PMEPA1: variants seen among roughly 807,000 people sequenced by gnomAD.
The protein encoded by PMEPA1 is prostate transmembrane protein, androgen induced 1.
In PMEPA1, 11 loss-of-function variants were observed where a neutral mutation model predicts 23.0. That is an observed-to-expected ratio of 0.48 (90% CI 0.30 to 0.79). PMEPA1 has a LOEUF of 0.79. Ranked by LOEUF, PMEPA1 falls within the 30% of genes least tolerant of loss-of-function variation. The probability of loss-of-function intolerance (pLI) is 0.06; values close to 1 mark genes in which losing one functional copy is unlikely to be tolerated. For synonymous variants in PMEPA1, 204 were observed against 166.4 expected (o/e 1.23, Z -1.74); for missense variants, 377 against 390.9 (o/e 0.96, Z 0.30).
At position 57,651,627 on chromosome 20, in the gene PMEPA1, G is replaced by A. The variant is rs1419920345; in HGVS notation, c.*426C>T. ...AAATACTCCTGCCCTCGCACATACA[G>A]TTTCTCTTATCTTATATATATTTAT... On this transcript the variant is annotated 3_prime_UTR_variant, in exon 4 of 4. Coordinates refer to ENST00000341744, the MANE Select transcript of PMEPA1 (RefSeq NM_020182.5). 6.6e-6 allele frequency: 1 copy of A among 150,580 alleles called. No homozygotes were observed. Among genetic ancestry groups the A allele is most frequent in the Non-Finnish European group, 1.5e-5 (1 of 67,730 alleles). The allele number at this position is 150,580 out of a possible 1,614,324, so 9.3% of individuals were successfully genotyped here. A position where few individuals can be genotyped will look rare whatever the true frequency, so the allele number is the denominator to read the frequency against.
Position 57,653,066 on chromosome 20 carries a change from C to G in PMEPA1, c.285G>C (p.Ser95=). ...TTCCGTTGCCTGACACTGTGCTCTCCGAGGGCCACAGGCATCCTTCCTGCA... is the reference window on the plus strand; with the variant it reads ...TTCCGTTGCCTGACACTGTGCTCTCGGAGGGCCACAGGCATCCTTCCTGCA... ...ALSSEGCLWP[S]ESTVSGNGIP... The change falls in exon 3 of 4, where the codon TCG becomes TCC. Residue 95 remains serine, a synonymous_variant. Coordinates refer to ENST00000341744, the MANE Select transcript of PMEPA1 (RefSeq NM_020182.5). 1.9e-6 allele frequency: 3 copies of G among 1,591,764 alleles called. No individual in the cohort carries two copies. Among genetic ancestry groups the G allele is most frequent in the Non-Finnish European group, 2.6e-6 (3 of 1,168,920 alleles).
At chr20:57,685,288 T>A (rs1424356093) in intron 1 of PMEPA1, among the ~76,000 whole-genome samples, 1 of 152,178 alleles carries the variant, frequency 6.6e-6, no homozygotes, top group Non-Finnish European at 1.5e-5. Flanking sequence ...AAAGCCAGTG[T>A]GGGCTAGGAG....
At chr20:57,674,569 A>C (rs2071611396) in intron 1 of PMEPA1, among the ~76,000 whole-genome samples, 1 of 152,250 alleles carries the variant, frequency 6.6e-6, no homozygotes, top group Non-Finnish European at 1.5e-5. Flanking sequence ...TGGATGATGG[A>C]CTTGCAGAAT....
Position 57,681,770 on chromosome 20 carries a change from C to A in PMEPA1, c.110-22073G>T, listed in dbSNP as rs76316629. On this transcript the variant is annotated intron_variant, in intron 1 of 3. Transcript: ENST00000341744. ...AGAAGGAACTGCAACCTGGTCAGTC[C>A]CCCCTCAAGGTGACACGGCCAGCTG... Among the ~76,000 whole-genome samples, 824 of 152,218 alleles carry A rather than the reference C, an allele frequency of 5.4e-3. 9 individuals are homozygous for A. Among genetic ancestry groups the A allele is most frequent in the African/African-American group, 0.019 (782 of 41,528 alleles).
intron 1 of PMEPA1, among the ~76,000 whole-genome samples, chr20:57,660,567 CAT>C (rs1228472117): frequency 7.1e-6 from 1 of 141,438 alleles, no homozygotes; most frequent in African/African-American, 2.8e-5. Context: ...AACACCAACA[CAT>C]GACCCAACAC....
chr20:57,662,140 ATGTG>A (rs2071430665), intron 1 of PMEPA1, among the ~76,000 whole-genome samples: 8 of 151,804 alleles, frequency 5.3e-5, no homozygotes, highest in African/African-American at 9.7e-5. Flanking sequence ...CCCAGGGAAC[ATGTG>A]GCGATGTCTG....
intron 1 of PMEPA1, among the ~76,000 whole-genome samples, chr20:57,673,446 G>A (rs947422478): frequency 3.3e-5 from 5 of 152,106 alleles, no homozygotes; most frequent in Non-Finnish European, 1.5e-5. Context: ...TGCTGCCATC[G>A]TTGGTGTGGC....
intron 1 of PMEPA1, chr20:57,700,087 C>A (rs1004071934): frequency 2.1e-6 from 1 of 471,278 alleles, no homozygotes; most frequent in Non-Finnish European, 4.4e-6. Flanking sequence ...GCTCCCAAAG[C>A]CAGTGATGGA....
At position 57,652,010 on chromosome 20, in the gene PMEPA1, G is replaced by C; in HGVS notation, c.*43C>G. The C allele has an allele frequency of 7.0e-7, 1 of 1,433,732 alleles. No individual in the cohort carries two copies. Among genetic ancestry groups the C allele is most frequent in the Non-Finnish European group, 9.2e-7 (1 of 1,083,230 alleles). The allele number at this position is 1,433,732 out of a possible 1,614,324, so 88.8% of individuals were successfully genotyped here. ...TCTTCTAAGAAGCGCGGAGTGTTCT[G>C]CCTTTTCACCTACGCAGCCCCAGCC... On this transcript the variant is annotated 3_prime_UTR_variant, in exon 4 of 4. Transcript: ENST00000341744. This position sits in a 1 kb window ranked among gnomAD's most constrained non-coding sequence, Gnocchi z 6.1.
At chr20:57,672,651 G>A (rs765969912) in intron 1 of PMEPA1, among the ~76,000 whole-genome samples, 4 of 152,228 alleles carry the variant, frequency 2.6e-5, no homozygotes, top group Non-Finnish European at 5.9e-5. Context: ...GTCTCCCCTG[G>A]GGCAGAGGCA....
rs912440874 is a variant in PMEPA1 at position 57,649,357 on chromosome 20, G to C, written c.*2696C>G. 1.3e-5 allele frequency: 2 copies of C among 152,102 alleles called. No individual in the cohort carries two copies. Among genetic ancestry groups the C allele is most frequent in the African/African-American group, 4.8e-5 (2 of 41,380 alleles). 9.4% of individuals were successfully genotyped at this position (152,102 alleles called of 1,614,324 possible). A position where few individuals can be genotyped will look rare whatever the true frequency, so the allele number is the denominator to read the frequency against. ...CAACCTGCTGGCTGTCTTGGGATGC[G>C]CCCAGCCTTTGAGAGGCCACTACCC... On this transcript the variant is annotated 3_prime_UTR_variant, in exon 4 of 4. Coordinates refer to ENST00000341744, the MANE Select transcript of PMEPA1 (RefSeq NM_020182.5).
At chr20:57,692,865 G>A (rs2146699808) in intron 1 of PMEPA1, among the ~76,000 whole-genome samples, 1 of 152,354 alleles carries the variant, frequency 6.6e-6, no homozygotes, top group Middle Eastern at 3.4e-3. Flanking sequence ...CTGCCTAAGT[G>A]CTGCTGGTAA....
chr20:57,667,389 G>T (rs1350980126), intron 1 of PMEPA1, among the ~76,000 whole-genome samples: 1 of 152,132 alleles, frequency 6.6e-6, no homozygotes, highest in African/African-American at 2.4e-5. Context: ...AGCCCACGGG[G>T]GCACTAGGCG....
At position 57,649,581 on chromosome 20, in the gene PMEPA1, A is replaced by C. The variant is rs572326262; in HGVS notation, c.*2472T>G. 1.6e-4 allele frequency: 24 copies of C among 152,302 alleles called. No individual in the cohort carries two copies. The highest frequency in any genetic ancestry group is 5.3e-4 in the African/African-American group (22 of 41,532). The allele number at this position is 152,302 out of a possible 1,614,324, so 9.4% of individuals were successfully genotyped here. A position where few individuals can be genotyped will look rare whatever the true frequency, so the allele number is the denominator to read the frequency against. On this transcript the variant is annotated 3_prime_UTR_variant, in exon 4 of 4. Transcript: ENST00000341744. ...GACCCAAACAGTTTGGCTCAAGAGG[A>C]TATGAGGACTGTCTCAGCCTGGCTT...
intron 1 of PMEPA1, among the ~76,000 whole-genome samples, chr20:57,674,375 C>T (rs6128123): frequency 0.11 from 16,382 of 152,208 alleles, 971 homozygotes; most frequent in South Asian, 0.13. Context: ...ACTTGCTGGC[C>T]CCTTGATCTT....
chr20:57,650,203 T>C lies in PMEPA1; in HGVS notation c.*1850A>G, dbSNP rs888081195. 6.6e-6 allele frequency: 1 copy of C among 152,192 alleles called. No homozygotes were observed. Among genetic ancestry groups the C allele is most frequent in the East Asian group, 1.9e-4 (1 of 5,188 alleles). 9.4% of individuals were successfully genotyped at this position (152,192 alleles called of 1,614,324 possible). A position where few individuals can be genotyped will look rare whatever the true frequency, so the allele number is the denominator to read the frequency against. ...CTTCAAAACTGTGCTCAGGTTTTTG[T>C]TTTGGAAGTTATAAAAAAGTTGCTC... On this transcript the variant is annotated 3_prime_UTR_variant, in exon 4 of 4. Coordinates refer to ENST00000341744, the MANE Select transcript of PMEPA1 (RefSeq NM_020182.5).
intron 1 of PMEPA1, among the ~76,000 whole-genome samples, chr20:57,697,772 G>C (rs2071959863): frequency 6.6e-6 from 1 of 152,198 alleles, no homozygotes; most frequent in African/African-American, 2.4e-5. Flanking sequence ...ACACCTCTGG[G>C]CCATGTGGCA....
At chr20:57,694,020 C>T (rs1226183618) in intron 1 of PMEPA1, among the ~76,000 whole-genome samples, 1 of 152,230 alleles carries the variant, frequency 6.6e-6, no homozygotes, top group East Asian at 1.9e-4. Context: ...TCTCCACCTC[C>T]CAGCCCTGCA....
At chr20:57,659,343 A>G (rs1311205006) in intron 2 of PMEPA1, among the ~76,000 whole-genome samples, 200 bp downstream of exon 2, 1 of 152,136 alleles carries the variant, frequency 6.6e-6, no homozygotes, top group Non-Finnish European at 1.5e-5. Flanking sequence ...ACGTTCCTCC[A>G]GCATCTCTGA....
Sources: gnomAD v4.1 joint callset for allele counts (sites outside exome capture counted in the v4.1 genomes callset) on GRCh38, gnomAD v4.1.1 for gene constraint, Gnocchi (gnomAD v3.1) non-coding constraint, MANE v1.5 for transcripts, NCBI Gene and HGNC (gene_info 2026-07-23, HGNC 2026-07-21) for gene names.